Variants in ERC2 observed in about 807,000 individuals in gnomAD.
ERC2 encodes the protein ELKS/RAB6-interacting/CAST family member 2, also known as ERC protein 2.
ERC2 carries 42 observed loss-of-function variants against 114.8 expected under a neutral mutation model. That is an observed-to-expected ratio of 0.37 (90% CI 0.29 to 0.47). The LOEUF is 0.47. ERC2 is among the 20% of genes least tolerant of loss of function. ERC2 has a pLI of 0.99. For synonymous variants in ERC2, 454 were observed against 425.5 expected (o/e 1.07, Z -0.82); for missense variants, 939 against 1,150.7 (o/e 0.82, Z 2.66).
At chr3:55,980,754 A>C (rs977831266) in intron 12 of ERC2, among the ~76,000 whole-genome samples, 1 of 152,274 alleles carries the variant, frequency 6.6e-6, no homozygotes, top group African/African-American at 2.4e-5. Flanking sequence ...TTAGAAAAAA[A>C]AAAAAGTACA....
chr3:55,513,965 G>A (rs2052304245), intron 17 of ERC2, among the ~76,000 whole-genome samples: 1 of 152,168 alleles, frequency 6.6e-6, no homozygotes, highest in Non-Finnish European at 1.5e-5. Context: ...CAGGTAGGCA[G>A]AATCCTTAAA....
rs374692774 is a variant in ERC2 at position 56,040,567 on chromosome 3, G to GTA, written c.1642-21538_1642-21537dup. Among the ~76,000 whole-genome samples the GTA allele has an allele frequency of 0.017, 9 of 540 alleles. No homozygotes were observed. The South Asian group carries it at 0.4, about 24-fold the overall frequency. 0.4% of individuals were successfully genotyped at this position (540 alleles called of 152,430 possible). A position where few individuals can be genotyped will look rare whatever the true frequency, so the allele number is the denominator to read the frequency against. On this transcript the variant is annotated intron_variant, in intron 7 of 17. Coordinates refer to ENST00000288221, the MANE Select transcript of ERC2 (RefSeq NM_015576.3). ...TATATCTATATATGTATATAGAGAT[G>GTA]TATATATGTATACATATACATATAT...
At chr3:55,654,247 G>A (rs1286197492) in intron 17 of ERC2, among the ~76,000 whole-genome samples, 1 of 152,180 alleles carries the variant, frequency 6.6e-6, no homozygotes, top group Non-Finnish European at 1.5e-5. Flanking sequence ...CCAGCAAACT[G>A]TATCACCTCA....
At chr3:56,446,773 G>A (rs1171745331) in intron 1 of ERC2, among the ~76,000 whole-genome samples, 1 of 151,318 alleles carries the variant, frequency 6.6e-6, no homozygotes, top group Non-Finnish European at 1.5e-5. Context: ...TTACAGGCGC[G>A]CATCACCACA....
Position 55,699,424 on chromosome 3 carries a change from G to T in ERC2, c.2801C>A (p.Ser934Tyr), listed in dbSNP as rs1349915209. 2 of 1,613,862 alleles carry T rather than the reference G, an allele frequency of 1.2e-6. No individual in the cohort carries two copies. The highest frequency in any genetic ancestry group is 3.3e-5 in the Admixed American group (2 of 60,004). Residue 934 changes from serine (S) to tyrosine (Y), a missense_variant, in exon 16 of 18, where the codon TCT becomes TAT. Transcript: ENST00000288221. ...ATTGGAATGTTGCGACCTCCCAGGA[G>T]ATCGATGGTGGTGGTGATGGTGGTG... ...HHHHHHHHHR[S>Y]PGRSQHSNHR...
At chr3:56,120,654 A>G (rs997868174) in intron 6 of ERC2, among the ~76,000 whole-genome samples, 2 of 152,242 alleles carry the variant, frequency 1.3e-5, no homozygotes, top group African/African-American at 4.8e-5. Flanking sequence ...GAATGTCCAC[A>G]GAATGATTCT....
chr3:55,744,147 A>G (rs4955870), intron 14 of ERC2, among the ~76,000 whole-genome samples: 33,843 of 152,046 alleles, frequency 0.22, 4,354 homozygotes, highest in African/African-American at 0.31. Context: ...TCATGCCTGT[A>G]ATCCCAGCAC....
intron 2 of ERC2, among the ~76,000 whole-genome samples, chr3:56,426,272 C>T (rs1168820667): frequency 1.3e-5 from 2 of 152,250 alleles, no homozygotes; most frequent in East Asian, 3.9e-4. Context: ...GAGTCGCTGG[C>T]ACCATCAGGA....
intron 7 of ERC2, among the ~76,000 whole-genome samples, chr3:56,044,057 G>A (rs908220190): frequency 2.0e-5 from 3 of 152,036 alleles, no homozygotes; most frequent in Non-Finnish European, 4.4e-5. Flanking sequence ...TTTACAATTC[G>A]GCTGAAAACC....
chr3:56,104,790 T>C (rs993224990), intron 6 of ERC2, among the ~76,000 whole-genome samples: 6 of 152,210 alleles, frequency 3.9e-5, no homozygotes, highest in African/African-American at 1.4e-4. Context: ...GGCACTGTTC[T>C]GGATGTTAGG....
At chr3:55,517,806 T>G (rs2052633681) in intron 17 of ERC2, among the ~76,000 whole-genome samples, 1 of 152,226 alleles carries the variant, frequency 6.6e-6, no homozygotes, top group Non-Finnish European at 1.5e-5. Context: ...CAGAAAGCAG[T>G]GAAATAAAAG....
chr3:55,964,013 T>C (rs1559942389), intron 12 of ERC2, among the ~76,000 whole-genome samples: 1 of 152,234 alleles, frequency 6.6e-6, no homozygotes, highest in Admixed American at 6.5e-5. Context: ...AAATCTTATA[T>C]GATGATTTTC....
chr3:56,425,255 A>T (rs1228148286), intron 2 of ERC2, among the ~76,000 whole-genome samples: 2 of 152,132 alleles, frequency 1.3e-5, no homozygotes, highest in Non-Finnish European at 2.9e-5. Context: ...TGGAGGGAGG[A>T]TATGACCAAA....
chr3:56,420,906 AAAAGAAAG>A (rs997979406), intron 2 of ERC2, among the ~76,000 whole-genome samples: 4 of 151,924 alleles, frequency 2.6e-5, no homozygotes, highest in Admixed American at 1.3e-4. Context: ...CAAAAAAAAA[AAAAGAAAG>A]AAAGAAAGAA....
intron 13 of ERC2, among the ~76,000 whole-genome samples, chr3:55,933,134 G>A (rs1270951129): frequency 3.3e-5 from 5 of 151,876 alleles, no homozygotes; most frequent in Admixed American, 6.6e-5. Flanking sequence ...GCTTGAACCT[G>A]GGAGGTGGAG....
intron 17 of ERC2, among the ~76,000 whole-genome samples, chr3:55,611,691 C>G (rs1351435881): frequency 2.6e-5 from 4 of 152,126 alleles, no homozygotes; most frequent in African/African-American, 9.7e-5. Flanking sequence ...TCCAACTGCC[C>G]TCCTTTCTCT....
intron 3 of ERC2, among the ~76,000 whole-genome samples, chr3:56,274,510 G>T (rs2053864640): frequency 1.2e-5 from 1 of 86,664 alleles, no homozygotes; most frequent in Admixed American, 1.1e-4. Context: ...ATCTGCATTT[G>T]GTTGAAAAAA....
chr3:55,845,355 T>C (rs1305565272), intron 14 of ERC2, among the ~76,000 whole-genome samples: 1 of 151,606 alleles, frequency 6.6e-6, no homozygotes, highest in Non-Finnish European at 1.5e-5. Context: ...ATACAAAAAA[T>C]TAGCCGGGCG....
intron 6 of ERC2, among the ~76,000 whole-genome samples, chr3:56,084,700 A>G (rs927005253): frequency 2.0e-5 from 3 of 152,096 alleles, no homozygotes; most frequent in African/African-American, 7.2e-5. Context: ...TTGGAGACTT[A>G]GAAGCAGGAA....
Sources: gnomAD v4.1 joint callset for allele counts (sites outside exome capture counted in the v4.1 genomes callset) on GRCh38, gnomAD v4.1.1 for gene constraint, MANE v1.5 for transcripts, NCBI Gene and HGNC (gene_info 2026-07-23, HGNC 2026-07-21) for gene names.